The following CTBP1 variants were observed in gnomAD, a reference collection of about 807,000 sequenced individuals.
CTBP1 encodes the protein C-terminal-binding protein 1.
CTBP1 carries 11 observed loss-of-function variants against 42.1 expected under a neutral mutation model. The observed-to-expected ratio is 0.26, with a 90% CI of 0.16 to 0.43. The LOEUF is 0.43. Ranked by LOEUF, CTBP1 falls within the 20% of genes least tolerant of loss-of-function variation. CTBP1 has a pLI of 1.00. For synonymous variants in CTBP1, 324 were observed against 277.1 expected (o/e 1.17, Z -1.68); for missense variants, 399 against 624.3 (o/e 0.64, Z 3.85).
At chr4:1,241,294 T>C in intron 2 of CTBP1, 31 bp downstream of exon 2, 1 of 799,390 alleles carries the variant, frequency 1.3e-6, no homozygotes, top group Non-Finnish European at 2.3e-6. Flanking sequence ...CCGGCTTCAC[T>C]CTGCCGCCGA....
At position 1,241,481 on chromosome 4, in the gene CTBP1, G is replaced by T; in HGVS notation, c.-150C>A. ...GCCAAAGTGCTCAGGCTTCTGATCC[G>T]CGGCAATCACTGAAGCCTGCGTCGG... On this transcript the variant is annotated 5_prime_UTR_variant, in exon 2 of 10. Transcript: ENST00000382952. 2 of 1,603,954 alleles carry T rather than the reference G, an allele frequency of 1.2e-6. No homozygotes were observed. Among genetic ancestry groups the T allele is most frequent in the Admixed American group, 1.7e-5 (1 of 59,940 alleles).
chr4:1,241,852 G>GGGGC lies in CTBP1; in HGVS notation c.-188-334_-188-333insGCCC, dbSNP rs1296738015. 4.3e-6 allele frequency: 5 copies of GGGGC among 1,151,402 alleles called. No homozygotes were observed. The African/African-American group carries it at 6.5e-5, about 15-fold the overall frequency. The allele number at this position is 1,151,402 out of a possible 1,614,324, so 71.3% of individuals were successfully genotyped here. ...GATGTCCCCAGTGTCCAAGAACCAG[G>GGGGC]GGACGGAGGGCACAGGGTGTGTGCT... On this transcript the variant is annotated intron_variant, in intron 1 of 9. Transcript: ENST00000382952.
Position 1,227,811 on chromosome 4 carries a change from T to G in CTBP1, c.307+388A>C, listed in dbSNP as rs1413545763. ...TTCTGTGTGCTGAGTGCACACGTACTGGGTTGCAACACGCTGCTGTTCCCG... is the reference window on the plus strand; with the variant it reads ...TTCTGTGTGCTGAGTGCACACGTACGGGGTTGCAACACGCTGCTGTTCCCG... On this transcript the variant is annotated intron_variant, in intron 4 of 9. Coordinates refer to ENST00000382952, the MANE Select transcript of CTBP1 (RefSeq NM_001012614.2). Among the ~76,000 whole-genome samples, 2 of 152,208 alleles carry G rather than the reference T, an allele frequency of 1.3e-5. 1 individual carries two copies. The highest frequency in any genetic ancestry group is 2.9e-5 in the Non-Finnish European group (2 of 68,010).
At chr4:1,223,514 T>C in intron 5 of CTBP1, 1 of 455,308 alleles carries the variant, frequency 2.2e-6, no homozygotes, top group Non-Finnish European at 4.4e-6. Context: ...GTGGGCTGCC[T>C]GGATGTTTGG....
intron 5 of CTBP1, among the ~76,000 whole-genome samples, chr4:1,224,382 T>C (rs1240212082): frequency 2.0e-5 from 3 of 151,740 alleles, no homozygotes; most frequent in African/African-American, 4.8e-5. Flanking sequence ...GTGTGATGTC[T>C]ATGCAGGCCT....
Position 1,243,259 on chromosome 4 carries a change from G to A in CTBP1, c.-188-1740C>T, listed in dbSNP as rs559591175. Reference sequence around the variant, plus strand: ...AGTACGTGCCCACACCTGTGTCTCTGAGGAAGAAGCAGATGTGTGAAGGCC... The same window carrying A: ...AGTACGTGCCCACACCTGTGTCTCTAAGGAAGAAGCAGATGTGTGAAGGCC... On this transcript the variant is annotated intron_variant, in intron 1 of 9. Coordinates refer to ENST00000382952, the MANE Select transcript of CTBP1 (RefSeq NM_001012614.2). 9.1e-6 allele frequency: 9 copies of A among 985,416 alleles called. No individual in the cohort carries two copies. The East Asian group carries it at 1.0e-3, about 112-fold the overall frequency. The allele number at this position is 985,416 out of a possible 1,614,324, so 61.0% of individuals were successfully genotyped here.
chr4:1,241,856 C>G lies in CTBP1; in HGVS notation c.-188-337G>C, dbSNP rs747957603. ...TCCCCAGTGTCCAAGAACCAGGGGACGGAGGGCACAGGGTGTGTGCTGTGG... is the reference window on the plus strand; with the variant it reads ...TCCCCAGTGTCCAAGAACCAGGGGAGGGAGGGCACAGGGTGTGTGCTGTGG... On this transcript the variant is annotated intron_variant, in intron 1 of 9. Transcript: ENST00000382952. 3.5e-6 allele frequency: 4 copies of G among 1,142,050 alleles called. No homozygotes were observed. In the African/African-American group the frequency reaches 6.5e-5, roughly 18 times the overall value. 70.7% of individuals were successfully genotyped at this position (1,142,050 alleles called of 1,614,324 possible).
At chr4:1,243,138 A>C in intron 1 of CTBP1, 1 of 985,428 alleles carries the variant, frequency 1.0e-6, no homozygotes. Context: ...AGACCGGCCA[A>C]TACTCAATAC....
At chr4:1,245,369 C>A in intron 1 of CTBP1, 2 of 985,448 alleles carry the variant, frequency 2.0e-6, no homozygotes, top group Non-Finnish European at 2.4e-6. Context: ...CAGGAACCCC[C>A]AGAACGCCAC....
rs1208570255 is a variant in CTBP1 at position 1,241,449 on chromosome 4, G to C, written c.-118C>G. On this transcript the variant is annotated 5_prime_UTR_variant, in exon 2 of 10. Transcript: ENST00000382952. ...GGAGCCTCATCCCACGTCCTTAATT[G>C]TCTCGAGCCAAAGTGCTCAGGCTTC... The C allele has an allele frequency of 6.3e-7, 1 of 1,584,586 alleles. No homozygotes were observed. The highest frequency in any genetic ancestry group is 2.2e-5 in the East Asian group (1 of 44,748).
chr4:1,238,138 C>G lies in CTBP1; in HGVS notation c.162+45G>C, dbSNP rs371939393. 1.2e-4 allele frequency: 201 copies of G among 1,611,834 alleles called. No individual in the cohort carries two copies. The highest frequency in any genetic ancestry group is 1.6e-4 in the Non-Finnish European group (191 of 1,179,416). On this transcript the variant is annotated intron_variant, in intron 3 of 9. Coordinates refer to ENST00000382952, the MANE Select transcript of CTBP1 (RefSeq NM_001012614.2). The surrounding 1 kb of genome is among the most constrained non-coding windows in gnomAD (Gnocchi z 5.9). ...CCGTGCTCCCGTCCCTCCAACTCCCCCCAACGTGCGGTTCTGCCAGCCCCA... is the reference window on the plus strand; with the variant it reads ...CCGTGCTCCCGTCCCTCCAACTCCCGCCAACGTGCGGTTCTGCCAGCCCCA...
chr4:1,223,473 G>A (rs1361580797), intron 5 of CTBP1: 5 of 455,954 alleles, frequency 1.1e-5, no homozygotes, highest in African/African-American at 8.0e-5. Flanking sequence ...TTCCCCAAAC[G>A]CTGGCGGGAC....
At chr4:1,232,337 A>C (rs1329227896) in intron 3 of CTBP1, among the ~76,000 whole-genome samples, 1 of 152,162 alleles carries the variant, frequency 6.6e-6, no homozygotes, top group Non-Finnish European at 1.5e-5. Context: ...TTTGAGACAG[A>C]GTCTTGCTCT....
chr4:1,224,561 GTGC>G (rs1471715470), intron 5 of CTBP1, among the ~76,000 whole-genome samples: 1 of 151,938 alleles, frequency 6.6e-6, no homozygotes, highest in Non-Finnish European at 1.5e-5. Context: ...GCCCACGTGT[GTGC>G]TGTGACATCC....
rs2108816187 is a variant in CTBP1 at position 1,248,814 on chromosome 4, CG to C, written c.-189+101del. Reference sequence around the variant, plus strand: ...GCACTCGCACACAAAGCCGGCGGCCCGCGGGCGCGCGCTCGGTCCGCCCCCG... The same window carrying C: ...GCACTCGCACACAAAGCCGGCGGCCCCGGGCGCGCGCTCGGTCCGCCCCCG... On this transcript the variant is annotated intron_variant, in intron 1 of 9. Coordinates refer to ENST00000382952, the MANE Select transcript of CTBP1 (RefSeq NM_001012614.2). The C allele has an allele frequency of 3.2e-6, 3 of 925,274 alleles. No individual in the cohort carries two copies. In the South Asian group the frequency reaches 1.5e-4, roughly 46 times the overall value. 57.3% of individuals were successfully genotyped at this position (925,274 alleles called of 1,614,324 possible).
chr4:1,229,667 G>A (rs1436780795), intron 3 of CTBP1, among the ~76,000 whole-genome samples: 2 of 152,246 alleles, frequency 1.3e-5, no homozygotes, highest in Non-Finnish European at 2.9e-5. Flanking sequence ...ACCCTGCCTG[G>A]GTCCTGGGCA....
chr4:1,246,909 G>A (rs542406672), intron 1 of CTBP1, among the ~76,000 whole-genome samples: 13 of 152,346 alleles, frequency 8.5e-5, no homozygotes, highest in African/African-American at 2.9e-4. Context: ...TCCAAAGAGT[G>A]GGGGGCTCCC....
chr4:1,238,701 C>G lies in CTBP1; in HGVS notation c.8-364G>C, dbSNP rs190962981. ...CCCTCCGAGACCCCCCAAGAAATCTCCAGACCCTCTGAGAACCTCCCAGAC... is the reference window on the plus strand; with the variant it reads ...CCCTCCGAGACCCCCCAAGAAATCTGCAGACCCTCTGAGAACCTCCCAGAC... On this transcript the variant is annotated intron_variant, in intron 2 of 9. Coordinates refer to ENST00000382952, the MANE Select transcript of CTBP1 (RefSeq NM_001012614.2). This position sits in a 1 kb window ranked among gnomAD's most constrained non-coding sequence, Gnocchi z 5.9. Among the ~76,000 whole-genome samples, 718 of 150,750 alleles carry G rather than the reference C, an allele frequency of 4.8e-3. 3 individuals are homozygous for G. Among genetic ancestry groups the G allele is most frequent in the Middle Eastern group, 0.031 (9 of 294 alleles).
chr4:1,228,323 C>A lies in CTBP1; in HGVS notation c.183G>T (p.Gly61=). The change falls in exon 4 of 10, where the codon GGG becomes GGT. Residue 61 remains glycine, a synonymous_variant. Transcript: ENST00000382952. ...GAGTGATGGTGTGGTACATCAGGGC[C>A]CCCACAGCCTCGTTCAGGACCTGCA... ...IHEKVLNEAV[G]ALMYHTITLT... is the part of the protein sequence containing the mutation. The A allele has an allele frequency of 6.2e-7, 1 of 1,613,910 alleles. No homozygotes were observed. Among genetic ancestry groups the A allele is most frequent in the Non-Finnish European group, 8.5e-7 (1 of 1,179,872 alleles).
Sources: allele counts gnomAD v4.1 joint callset (sites outside exome capture counted in the v4.1 genomes callset), GRCh38; gene constraint gnomAD v4.1.1; non-coding constraint Gnocchi (gnomAD v3.1); transcripts MANE v1.5; gene names NCBI Gene and HGNC (gene_info 2026-07-23, HGNC 2026-07-21).